The following FHIP1A variants were observed in gnomAD, a reference collection of about 807,000 sequenced individuals.
FHIP1A encodes FHF complex subunit HOOK-interacting protein 1A.
Under a neutral mutation model 88.6 loss-of-function variants are expected in FHIP1A, and 61 were observed. The ratio of observed to expected loss-of-function variants is 0.69; its 90% confidence interval spans 0.56 to 0.85. The LOEUF (loss-of-function observed/expected upper bound fraction) is 0.85. Ranked by LOEUF, FHIP1A falls within the 40% of genes least tolerant of loss-of-function variation. The pLI is 0.00. For missense variants in FHIP1A, 1,154 were observed against 1,273.5 expected, an observed-to-expected ratio of 0.91 and a Z score of 1.43; for synonymous variants, 478 against 496.0, an observed-to-expected ratio of 0.96 and a Z score of 0.48.
intron 7 of FHIP1A, among the ~76,000 whole-genome samples, chr4:151,621,584 G>C (rs1456615972): frequency 2.0e-5 from 3 of 151,018 alleles, no homozygotes; most frequent in Admixed American, 6.6e-5. Context: ...GGAGGAGTTG[G>C]GGGGGTTGCG....
intron 2 of FHIP1A, among the ~76,000 whole-genome samples, chr4:151,481,179 A>G (rs1729882510): frequency 1.3e-5 from 2 of 151,992 alleles, no homozygotes; most frequent in South Asian, 4.1e-4. Flanking sequence ...TTTCTTTTGC[A>G]TAAGTAGTTG....
chr4:151,525,968 C>T (rs1467625313), intron 3 of FHIP1A, among the ~76,000 whole-genome samples: 1 of 151,908 alleles, frequency 6.6e-6, no homozygotes, highest in East Asian at 1.9e-4. Flanking sequence ...TCTTAAGGAG[C>T]ATGCTGCCTT....
At chr4:151,493,143 A>G (rs1343971665) in intron 3 of FHIP1A, among the ~76,000 whole-genome samples, 1 of 152,210 alleles carries the variant, frequency 6.6e-6, no homozygotes, top group Non-Finnish European at 1.5e-5. Context: ...GAAATGGGAG[A>G]TATTAAAACC....
intron 11 of FHIP1A, among the ~76,000 whole-genome samples, chr4:151,651,386 T>A (rs1329984372): frequency 6.6e-6 from 1 of 152,178 alleles, no homozygotes; most frequent in Non-Finnish European, 1.5e-5. Context: ...TCGCCATAGA[T>A]GAGAGGGCTC....
intron 1 of FHIP1A, among the ~76,000 whole-genome samples, chr4:151,441,237 CA>C (rs1341111637): frequency 6.6e-6 from 1 of 151,656 alleles, no homozygotes; most frequent in African/African-American, 2.4e-5. Context: ...AACCATGGTA[CA>C]AAATTGACTT....
At chr4:151,651,115 C>T (rs1447685918) in intron 11 of FHIP1A, among the ~76,000 whole-genome samples, 5 of 152,096 alleles carry the variant, frequency 3.3e-5, no homozygotes, top group East Asian at 1.9e-4. Flanking sequence ...GTTAGCTGTG[C>T]CTTTGCCTGG....
chr4:151,592,150 T>A (rs1734458275), intron 7 of FHIP1A, among the ~76,000 whole-genome samples: 1 of 152,170 alleles, frequency 6.6e-6, no homozygotes, highest in South Asian at 2.1e-4. Flanking sequence ...CTTTTTTTTT[T>A]TTGAGACGGA....
intron 3 of FHIP1A, among the ~76,000 whole-genome samples, chr4:151,519,267 C>A (rs1003559423): frequency 6.6e-6 from 1 of 152,178 alleles, no homozygotes; most frequent in Non-Finnish European, 1.5e-5. Flanking sequence ...CCAAAGACAA[C>A]CGCTATTACA....
chr4:151,417,131 A>G (rs1732925746), intron 1 of FHIP1A, among the ~76,000 whole-genome samples: 1 of 152,186 alleles, frequency 6.6e-6, no homozygotes, highest in African/African-American at 2.4e-5. Flanking sequence ...AAAGCAAGGA[A>G]AGAATGAAGC....
At chr4:151,621,623 G>A (rs921141874) in intron 7 of FHIP1A, among the ~76,000 whole-genome samples, 8 of 152,148 alleles carry the variant, frequency 5.3e-5, no homozygotes, top group Middle Eastern at 3.4e-3. Context: ...ATTAGATGCT[G>A]CGTTTTTGCA....
At chr4:151,616,102 C>G (rs1485238117) in intron 7 of FHIP1A, among the ~76,000 whole-genome samples, 1 of 152,156 alleles carries the variant, frequency 6.6e-6, no homozygotes, top group Non-Finnish European at 1.5e-5. Context: ...CATTGAAGCA[C>G]TCAGTCTAGA....
At chr4:151,562,185 T>C (rs766085267) in intron 3 of FHIP1A, among the ~76,000 whole-genome samples, 4 of 152,142 alleles carry the variant, frequency 2.6e-5, no homozygotes, top group Non-Finnish European at 5.9e-5. Flanking sequence ...AGCCAACAAC[T>C]CTTAGCCATT....
At chr4:151,636,713 A>G (rs1293007994) in intron 8 of FHIP1A, among the ~76,000 whole-genome samples, 3 of 152,110 alleles carry the variant, frequency 2.0e-5, no homozygotes, top group African/African-American at 7.2e-5. Flanking sequence ...CCCAATGTTC[A>G]TAGACCAGAA....
chr4:151,513,154 T>G (rs1157571879), intron 3 of FHIP1A, among the ~76,000 whole-genome samples: 2 of 152,274 alleles, frequency 1.3e-5, no homozygotes, highest in African/African-American at 4.8e-5. Context: ...TATTCAACAT[T>G]CTTAAAGAAA....
chr4:151,620,625 G>A (rs7655466), intron 7 of FHIP1A, among the ~76,000 whole-genome samples: 16,838 of 152,116 alleles, frequency 0.11, 972 homozygotes, highest in African/African-American at 0.13. Flanking sequence ...CAGAGGCTGA[G>A]TAGATCTACA....
At chr4:151,426,803 G>A (rs2126532025) in intron 1 of FHIP1A, among the ~76,000 whole-genome samples, 1 of 152,184 alleles carries the variant, frequency 6.6e-6, no homozygotes, top group South Asian at 2.1e-4. Context: ...GTAGCCTTAC[G>A]GTGTTATAAG....
intron 9 of FHIP1A, among the ~76,000 whole-genome samples, chr4:151,640,500 A>G (rs1244126942): frequency 6.6e-6 from 1 of 152,226 alleles, no homozygotes; most frequent in Admixed American, 6.5e-5. Flanking sequence ...TCAAGCCTCT[A>G]CTGATATATG....
intron 3 of FHIP1A, among the ~76,000 whole-genome samples, chr4:151,514,550 C>A (rs1272569559): frequency 6.6e-6 from 1 of 151,690 alleles, no homozygotes; most frequent in Non-Finnish European, 1.5e-5. Flanking sequence ...AATTGATAGA[C>A]CGCTAGCAAG....
chr4:151,618,868 A>G (rs1017848414), intron 7 of FHIP1A, among the ~76,000 whole-genome samples: 1 of 152,224 alleles, frequency 6.6e-6, no homozygotes, highest in African/African-American at 2.4e-5. Flanking sequence ...TCTTCTTTAA[A>G]TTATCATCTG....
Sources: allele counts gnomAD v4.1 joint callset (sites outside exome capture counted in the v4.1 genomes callset), GRCh38; gene constraint gnomAD v4.1.1; transcripts MANE v1.5; gene names NCBI Gene and HGNC (gene_info 2026-07-23, HGNC 2026-07-21).